Variants in PHF14 observed in about 807,000 individuals in gnomAD.
PHF14 encodes the protein PHD finger protein 14.
In PHF14, 55 loss-of-function variants were observed where a neutral mutation model predicts 117.9. That is an observed-to-expected ratio of 0.47 (90% CI 0.38 to 0.58). The LOEUF (loss-of-function observed/expected upper bound fraction) is 0.58, where lower values mean the gene tolerates loss of function less well. Ranked by LOEUF, PHF14 falls within the 20% of genes least tolerant of loss-of-function variation. The pLI is 0.00. For synonymous variants in PHF14, 409 were observed against 368.6 expected (o/e 1.11, Z -1.26); for missense variants, 978 against 1,122.2 (o/e 0.87, Z 1.84).
chr7:11,066,190 A>G lies in PHF14; in HGVS notation c.2654+4105A>G, dbSNP rs186545146. On this transcript the variant is annotated intron_variant, in intron 16 of 17. Transcript: ENST00000634607. ...CTCCCCAACTAAATTTGTTTGTGTC[A>G]TAAATTATTAGGAAAACCAGCAAGA... Among the ~76,000 whole-genome samples, 98 of 152,328 alleles carry G rather than the reference A, an allele frequency of 6.4e-4. 1 individual carries two copies. The highest frequency in any genetic ancestry group is 6.8e-3 in the Middle Eastern group (2 of 294).
chr7:11,136,832 A>C (rs1459591763), intron 17 of PHF14, among the ~76,000 whole-genome samples: 1 of 152,216 alleles, frequency 6.6e-6, no homozygotes, highest in Admixed American at 6.5e-5. Context: ...TTTGTGGTCT[A>C]ATTATGATGT....
At chr7:11,073,120 A>G (rs1785686542) in intron 16 of PHF14, among the ~76,000 whole-genome samples, 1 of 152,060 alleles carries the variant, frequency 6.6e-6, no homozygotes, top group South Asian at 2.1e-4. Flanking sequence ...TCTTCTCCAC[A>G]TTGCAAAATA....
intron 16 of PHF14, chr7:11,110,382 T>G (rs956494549): frequency 3.2e-5 from 5 of 158,562 alleles, no homozygotes; most frequent in Non-Finnish European, 6.8e-5. Context: ...TTTTTTAAAC[T>G]ATGAAATGAG....
chr7:11,104,804 C>T, intron 16 of PHF14: 1 of 731,740 alleles, frequency 1.4e-6, no homozygotes, highest in Non-Finnish European at 1.7e-6. Context: ...ATTTGCATTT[C>T]TAACAAGTTC....
chr7:11,118,263 GT>G (rs1159452909), intron 17 of PHF14, among the ~76,000 whole-genome samples: 2 of 151,860 alleles, frequency 1.3e-5, no homozygotes, highest in Non-Finnish European at 2.9e-5. Context: ...GATGGTTTTA[GT>G]TTTGTATTAA....
chr7:11,106,677 G>C (rs897118301), intron 16 of PHF14: 1 of 983,718 alleles, frequency 1.0e-6, no homozygotes, highest in African/African-American at 1.7e-5. Context: ...ATAGATTTGC[G>C]TAGATGTTTG....
chr7:10,990,742 CA>C lies in PHF14; in HGVS notation c.946del (p.Met316TrpfsTer5). 1.3e-6 allele frequency: 2 copies of C among 1,564,976 alleles called. No individual in the cohort carries two copies. Among genetic ancestry groups the C allele is most frequent in the African/African-American group, 1.4e-5 (1 of 73,760 alleles). ...TGAGAAGAGTCAAAACTGGAGCTCT[CA>C]AAAAATGGACCATATTCTGATTTGC... ...ILEKSQNWSS[Q>X]KMDHILICCV... is the part of the protein sequence containing the mutation. On this transcript the variant is annotated frameshift_variant, in exon 4 of 18. Coordinates refer to ENST00000634607, the MANE Select transcript of PHF14 (RefSeq NM_001007157.2). LOFTEE classifies it high-confidence loss of function.
intron 17 of PHF14, among the ~76,000 whole-genome samples, chr7:11,116,695 G>A (rs1279744161): frequency 1.3e-5 from 2 of 151,824 alleles, no homozygotes; most frequent in African/African-American, 4.8e-5. Context: ...GGAGAGAAGG[G>A]ATGAGGACTG....
At chr7:11,035,912 A>G in intron 8 of PHF14, 126 bp downstream of exon 8, 1 of 720,796 alleles carries the variant, frequency 1.4e-6, no homozygotes, top group Non-Finnish European at 2.3e-6. Context: ...TAGGAAATGG[A>G]TTGTGATTAA....
chr7:11,081,604 C>A (rs1786104447), intron 16 of PHF14, among the ~76,000 whole-genome samples: 1 of 152,198 alleles, frequency 6.6e-6, no homozygotes, highest in Non-Finnish European at 1.5e-5. Flanking sequence ...CAACTGTAAT[C>A]CCAGCACTTT....
At chr7:11,102,853 A>G (rs1484112358) in intron 16 of PHF14, 1 of 1,181,580 alleles carries the variant, frequency 8.5e-7, no homozygotes, top group Admixed American at 3.9e-5. Flanking sequence ...CGTATTAAGT[A>G]ATGTCTTTCC....
At chr7:10,998,956 T>C (rs1782761229) in intron 4 of PHF14, among the ~76,000 whole-genome samples, 1 of 152,218 alleles carries the variant, frequency 6.6e-6, no homozygotes, top group African/African-American at 2.4e-5. Flanking sequence ...TTTGAGTAAT[T>C]GAATTGGTTG....
intron 16 of PHF14, chr7:11,103,311 A>G (rs1787153371): frequency 2.3e-6 from 2 of 877,120 alleles, no homozygotes; most frequent in Non-Finnish European, 2.7e-6. Context: ...TTGTTTTAAT[A>G]TAAGCTTTCT....
At chr7:11,120,312 A>G (rs1787714025) in intron 17 of PHF14, among the ~76,000 whole-genome samples, 1 of 152,074 alleles carries the variant, frequency 6.6e-6, no homozygotes, top group African/African-American at 2.4e-5. Context: ...ACTGGGAAGT[A>G]TAGAGGTGCT....
chr7:11,027,322 G>A (rs556295123), intron 6 of PHF14, among the ~76,000 whole-genome samples: 1 of 152,246 alleles, frequency 6.6e-6, no homozygotes, highest in Admixed American at 6.5e-5. Flanking sequence ...TAACTAGGCA[G>A]TAGGATGTCA....
chr7:10,997,632 T>A (rs577567469), intron 4 of PHF14, among the ~76,000 whole-genome samples: 1 of 152,346 alleles, frequency 6.6e-6, no homozygotes, highest in African/African-American at 2.4e-5. Flanking sequence ...ATTTTAAGAT[T>A]TGGCTGGACC....
Position 11,036,645 on chromosome 7 carries a change from T to C in PHF14, c.1830T>C (p.His610=). ...TSSSVDGRRK[H]KQPALTADFV... is the part of the protein sequence containing the mutation. ...CTAGTGTGGATGGAAGGAGAAAACA[T>C]AAGCAACCAGCTCTCACTGCAGATT... The change falls in exon 9 of 18, where the codon CAT becomes CAC. Residue 610 remains histidine (H), a synonymous_variant. Transcript: ENST00000634607. 6.2e-7 allele frequency: 1 copy of C among 1,613,882 alleles called. No homozygotes were observed. Among genetic ancestry groups the C allele is most frequent in the Middle Eastern group, 1.7e-4 (1 of 6,060 alleles).
chr7:11,161,509 A>C (rs1222450317), intron 17 of PHF14, among the ~76,000 whole-genome samples: 3 of 151,892 alleles, frequency 2.0e-5, no homozygotes, highest in African/African-American at 7.2e-5. Context: ...TTAATGGGCC[A>C]ATCACTGATT....
intron 10 of PHF14, among the ~76,000 whole-genome samples, chr7:11,037,486 A>G (rs1784351870): frequency 6.6e-6 from 1 of 152,152 alleles, no homozygotes; most frequent in South Asian, 2.1e-4. Context: ...TCTGTTCTCT[A>G]TTTCTAATCA....
Sources: allele counts gnomAD v4.1 joint callset (sites outside exome capture counted in the v4.1 genomes callset), GRCh38; gene constraint gnomAD v4.1.1; transcripts MANE v1.5; gene names NCBI Gene and HGNC (gene_info 2026-07-23, HGNC 2026-07-21).